The following ENTREP2 variants were observed in gnomAD, a reference collection of about 807,000 sequenced individuals.
ENTREP2 encodes protein ENTREP2.
the ENTREP2 span, among the ~76,000 whole-genome samples, chr15:29,162,480 G>C: frequency 3.8e-3 from 584 of 152,246 alleles, 4 homozygotes; most frequent in Admixed American, 0.011. Context: ...GGCATGGTGG[G>C]AGTGAGACTG....
chr15:29,389,249 G>GC, the ENTREP2 span, among the ~76,000 whole-genome samples: 2 of 151,804 alleles, frequency 1.3e-5, no homozygotes, highest in African/African-American at 4.8e-5. Context: ...TTCACAAACT[G>GC]CGAGAAAATA....
At chr15:29,664,438 TTC>T in the ENTREP2 span, among the ~76,000 whole-genome samples, 3 of 151,470 alleles carry the variant, frequency 2.0e-5, no homozygotes, top group African/African-American at 4.9e-5. Context: ...CTCTTTATTT[TTC>T]TCTCTCTCTT....
At chr15:29,246,240 A>T in the ENTREP2 span, among the ~76,000 whole-genome samples, 1 of 151,644 alleles carries the variant, frequency 6.6e-6, no homozygotes, top group Non-Finnish European at 1.5e-5. Flanking sequence ...ATACAAAAAA[A>T]GTTAGCTGGT....
the ENTREP2 span, among the ~76,000 whole-genome samples, chr15:29,492,903 T>A: frequency 6.6e-6 from 1 of 151,110 alleles, no homozygotes; most frequent in Non-Finnish European, 1.5e-5. Flanking sequence ...ATTCAGGAGG[T>A]TGAGGCAGGA....
chr15:29,445,552 T>G, the ENTREP2 span, among the ~76,000 whole-genome samples: 1 of 152,210 alleles, frequency 6.6e-6, no homozygotes, highest in East Asian at 1.9e-4. Context: ...TTCCAGTTGC[T>G]GAGCACATGG....
At chr15:29,413,749 A>G in the ENTREP2 span, among the ~76,000 whole-genome samples, 1 of 152,142 alleles carries the variant, frequency 6.6e-6, no homozygotes, top group South Asian at 2.1e-4. Context: ...GGAAATGTTC[A>G]ATAATCTGGG....
chr15:29,459,244 T>C, the ENTREP2 span, among the ~76,000 whole-genome samples: 20 of 152,166 alleles, frequency 1.3e-4, no homozygotes, highest in Non-Finnish European at 2.4e-4. Context: ...TTCTTAAGAA[T>C]GCAGTTTCAA....
chr15:29,597,171 G>A, the ENTREP2 span, among the ~76,000 whole-genome samples: 1 of 151,614 alleles, frequency 6.6e-6, no homozygotes, highest in Admixed American at 6.6e-5. Context: ...TCTGTTTATT[G>A]TCTCTGTCGC....
the ENTREP2 span, among the ~76,000 whole-genome samples, chr15:29,573,697 C>A: frequency 6.6e-6 from 1 of 151,438 alleles, no homozygotes; most frequent in Non-Finnish European, 1.5e-5. Context: ...CTGTCTTTCC[C>A]CCACCCCTCT....
the ENTREP2 span, among the ~76,000 whole-genome samples, chr15:29,392,923 C>T: frequency 6.6e-6 from 1 of 152,218 alleles, no homozygotes; most frequent in East Asian, 1.9e-4. Flanking sequence ...TGTCTCTGCA[C>T]TGTGTCTAAT....
At chr15:29,203,176 G>A in the ENTREP2 span, among the ~76,000 whole-genome samples, 2 of 152,228 alleles carry the variant, frequency 1.3e-5, no homozygotes, top group African/African-American at 4.8e-5. Flanking sequence ...GCCGAGGCAG[G>A]CGGATCACGA....
chr15:29,660,257 A>G, the ENTREP2 span, among the ~76,000 whole-genome samples: 15 of 152,308 alleles, frequency 9.8e-5, no homozygotes, highest in African/African-American at 3.1e-4. Context: ...TGCCAATGTG[A>G]TAGTATTAAG....
chr15:29,570,472 G>A, the ENTREP2 span: 1 of 1,186,134 alleles, frequency 8.4e-7, no homozygotes, highest in East Asian at 4.0e-5. Context: ...CGCAGTCCCC[G>A]GAGCCCGTCC....
the ENTREP2 span, chr15:29,234,386 T>C: frequency 7.1e-6 from 11 of 1,558,364 alleles, no homozygotes; most frequent in Non-Finnish European, 9.7e-6. Context: ...GCAGGACTTA[T>C]TATTAAGATG....
the ENTREP2 span, among the ~76,000 whole-genome samples, chr15:29,386,074 G>A: frequency 0.13 from 19,862 of 152,008 alleles, 2,198 homozygotes; most frequent in African/African-American, 0.3. Flanking sequence ...CATCCACTTC[G>A]CTGAGAGCTA....
the ENTREP2 span, among the ~76,000 whole-genome samples, chr15:29,253,631 C>T: frequency 1.3e-3 from 192 of 152,048 alleles, 1 homozygote; most frequent in African/African-American, 4.5e-3. Flanking sequence ...TTAGTAGAGA[C>T]GGGGTTTCAC....
the ENTREP2 span, among the ~76,000 whole-genome samples, chr15:29,277,436 C>T: frequency 1.3e-5 from 2 of 152,060 alleles, no homozygotes; most frequent in South Asian, 4.2e-4. Flanking sequence ...TAAATTAAAG[C>T]AGCGGTCCCC....
the ENTREP2 span, among the ~76,000 whole-genome samples, chr15:29,448,415 C>T: frequency 3.3e-5 from 5 of 152,202 alleles, no homozygotes; most frequent in Non-Finnish European, 1.5e-5. Flanking sequence ...ACTTCCAGAA[C>T]GTCAGGATGA....
the ENTREP2 span, among the ~76,000 whole-genome samples, chr15:29,236,094 A>G: frequency 6.6e-6 from 1 of 152,330 alleles, no homozygotes; most frequent in South Asian, 2.1e-4. Flanking sequence ...AGGAGTTGGT[A>G]CTTTAATAAG....
Sources: allele counts gnomAD v4.1 joint callset (sites outside exome capture counted in the v4.1 genomes callset), GRCh38; gene constraint gnomAD v4.1.1; transcripts MANE v1.5; gene names NCBI Gene and HGNC (gene_info 2026-07-23, HGNC 2026-07-21).